CADPS: variants seen among roughly 807,000 people sequenced by gnomAD.
CADPS encodes calcium-dependent secretion activator 1.
In CADPS, 57 loss-of-function variants were observed where a neutral mutation model predicts 167.3. The ratio of observed to expected loss-of-function variants is 0.34; its 90% CI spans 0.28 to 0.42. The LOEUF (loss-of-function observed/expected upper bound fraction) is 0.42. CADPS is among the 20% of genes least tolerant of loss of function. The pLI is 1.00. For missense variants in CADPS, 1,414 were observed against 1,738.1 expected (o/e 0.81, Z 3.32); for synonymous variants, 676 against 635.3 (o/e 1.06, Z -0.96).
chr3:62,568,078 T>C (rs2080608347), intron 9 of CADPS, among the ~76,000 whole-genome samples: 1 of 152,160 alleles, frequency 6.6e-6, no homozygotes, highest in Admixed American at 6.5e-5. Context: ...CAGGTTAGAC[T>C]AAACCAATTC....
chr3:62,783,338 G>A (rs1410986297), intron 1 of CADPS, among the ~76,000 whole-genome samples: 2 of 151,422 alleles, frequency 1.3e-5, no homozygotes, highest in Non-Finnish European at 2.9e-5. Flanking sequence ...ACAGACCCAA[G>A]TTCTGAAAGA....
intron 6 of CADPS, among the ~76,000 whole-genome samples, chr3:62,614,557 A>G (rs2061973317): frequency 6.6e-6 from 1 of 152,200 alleles, no homozygotes; most frequent in South Asian, 2.1e-4. Context: ...CCTCAGTTTC[A>G]GGCATCTGTA....
chr3:62,815,425 AG>A (rs767625073), intron 1 of CADPS, among the ~76,000 whole-genome samples: 1 of 151,260 alleles, frequency 6.6e-6, no homozygotes, highest in South Asian at 2.1e-4. Context: ...AATGGTGACC[AG>A]GGGTGGGGGA....
intron 3 of CADPS, among the ~76,000 whole-genome samples, chr3:62,706,602 T>C (rs2082346748): frequency 6.6e-6 from 1 of 152,094 alleles, no homozygotes; most frequent in Non-Finnish European, 1.5e-5. Flanking sequence ...GGAGAGTCTG[T>C]TCTGGGCCTC....
intron 8 of CADPS, among the ~76,000 whole-genome samples, chr3:62,571,562 T>C (rs78323718): frequency 0.18 from 27,131 of 151,614 alleles, 2,739 homozygotes; most frequent in South Asian, 0.31. Context: ...TTAAGATAAA[T>C]ATTACTTTTT....
intron 3 of CADPS, among the ~76,000 whole-genome samples, chr3:62,700,769 C>A (rs2081241470): frequency 6.6e-6 from 1 of 152,124 alleles, no homozygotes; most frequent in Admixed American, 6.6e-5. Context: ...GGATTTTTAA[C>A]TGAACTCAAG....
At chr3:62,865,600 T>C (rs2081543607) in intron 1 of CADPS, among the ~76,000 whole-genome samples, 1 of 152,056 alleles carries the variant, frequency 6.6e-6, no homozygotes, top group Non-Finnish European at 1.5e-5. Context: ...ATTCAATTTA[T>C]TTTCAAACCT....
intron 24 of CADPS, chr3:62,473,804 T>C (rs1268020274): frequency 6.1e-6 from 1 of 162,870 alleles, no homozygotes; most frequent in Admixed American, 6.4e-5. Context: ...TCTCTTGCTG[T>C]CCAGATGTTC....
intron 3 of CADPS, among the ~76,000 whole-genome samples, chr3:62,694,134 G>A (rs1425844965): frequency 2.0e-5 from 3 of 152,032 alleles, no homozygotes; most frequent in Non-Finnish European, 4.4e-5. Flanking sequence ...CACGAAGGCT[G>A]GCCTAGCTAA....
chr3:62,491,544 C>CACACACACACAA lies in CADPS; in HGVS notation c.2885-65_2885-64insTTGTGTGTGTGT, dbSNP rs1294381830. 28 of 1,114,088 alleles carry CACACACACACAA rather than the reference C, an allele frequency of 2.5e-5. No homozygotes were observed. In the African/African-American group the frequency reaches 5.3e-4, roughly 21 times the overall value. 69.0% of individuals were successfully genotyped at this position (1,114,088 alleles called of 1,614,324 possible). On this transcript the variant is annotated intron_variant, in intron 20 of 29. Transcript: ENST00000383710. ...CTACTTTATCAACGTACAACACACA[C>CACACACACACAA]ACACACACACACAAACACACACACA...
chr3:62,494,852 G>A (rs977267984), intron 18 of CADPS, among the ~76,000 whole-genome samples: 5 of 151,578 alleles, frequency 3.3e-5, no homozygotes, highest in East Asian at 1.9e-4. Context: ...CAGTAGAGAC[G>A]GGGTTGCATC....
intron 6 of CADPS, among the ~76,000 whole-genome samples, chr3:62,642,477 G>A (rs1247772070): frequency 2.6e-5 from 4 of 152,208 alleles, no homozygotes; most frequent in Admixed American, 6.5e-5. Context: ...GAAAGTGTAA[G>A]TGGGAGGGGT....
intron 6 of CADPS, among the ~76,000 whole-genome samples, chr3:62,616,452 T>C (rs759432236): frequency 1.5e-5 from 2 of 129,056 alleles, no homozygotes; most frequent in Non-Finnish European, 1.7e-5. Context: ...CATGACACAA[T>C]GAGTGACTGA....
chr3:62,622,852 A>G (rs2063406541), intron 6 of CADPS, among the ~76,000 whole-genome samples: 1 of 152,330 alleles, frequency 6.6e-6, no homozygotes, highest in East Asian at 1.9e-4. Flanking sequence ...GCCACAGCGC[A>G]TTTTTAATCC....
chr3:62,617,847 T>C (rs564236417), intron 6 of CADPS, among the ~76,000 whole-genome samples: 2 of 152,156 alleles, frequency 1.3e-5, no homozygotes, highest in East Asian at 3.9e-4. Flanking sequence ...GTTGGGAAAA[T>C]TGGTGAAGTA....
At chr3:62,700,157 G>A (rs1005564348) in intron 3 of CADPS, among the ~76,000 whole-genome samples, 11 of 151,916 alleles carry the variant, frequency 7.2e-5, no homozygotes, top group South Asian at 4.2e-4. Flanking sequence ...TTTAGGCTAA[G>A]ACCTATGGTA....
At chr3:62,400,594 T>A (rs1705589794) in intron 29 of CADPS, among the ~76,000 whole-genome samples, 1 of 80,068 alleles carries the variant, frequency 1.2e-5, no homozygotes, top group African/African-American at 4.0e-5. Flanking sequence ...TCTTTCTTTT[T>A]TTTTTTCTTT....
At chr3:62,402,248 G>T (rs1412081302) in intron 29 of CADPS, among the ~76,000 whole-genome samples, 1 of 135,722 alleles carries the variant, frequency 7.4e-6, no homozygotes, top group Non-Finnish European at 1.6e-5. Context: ...GCGGGGGGGG[G>T]GGGTGCCCAG....
At chr3:62,611,323 A>G (rs1410122921) in intron 6 of CADPS, among the ~76,000 whole-genome samples, 4 of 152,146 alleles carry the variant, frequency 2.6e-5, no homozygotes, top group Non-Finnish European at 5.9e-5. Flanking sequence ...TGTTGGTCTG[A>G]TCTTCAAAAT....
Sources: allele counts gnomAD v4.1 joint callset (sites outside exome capture counted in the v4.1 genomes callset), GRCh38; gene constraint gnomAD v4.1.1; transcripts MANE v1.5; gene names NCBI Gene and HGNC (gene_info 2026-07-23, HGNC 2026-07-21).